FRMPD3: variants seen among roughly 807,000 people sequenced by gnomAD.
FRMPD3 encodes FERM and PDZ domain-containing protein 3.
A neutral mutation model predicts 97.9 loss-of-function variants in FRMPD3; 42 were observed. That is an observed-to-expected ratio of 0.43 (90% CI 0.34 to 0.55). FRMPD3 has a LOEUF of 0.55. Ranked by LOEUF, FRMPD3 falls within the 20% of genes least tolerant of loss-of-function variation. The pLI is 0.03. For missense variants in FRMPD3, 1,303 were observed against 1,457.7 expected, an observed-to-expected ratio of 0.89 and a Z score of 1.73; for synonymous variants, 577 against 581.1, an observed-to-expected ratio of 0.99 and a Z score of 0.10.
At chrX:107,548,443 G>T (rs1019611923) in intron 5 of FRMPD3, among the ~76,000 whole-genome samples, 4 of 112,134 alleles carry the variant, frequency 3.6e-5, no homozygotes, top group African/African-American at 6.5e-5. Flanking sequence ...CCAGGGAAAT[G>T]GTTGGGATGA....
At chrX:107,498,161 A>G (rs183587238) in intron 1 of FRMPD3, among the ~76,000 whole-genome samples, 267 of 112,760 alleles carry the variant, frequency 2.4e-3, no homozygotes, top group Non-Finnish European at 4.4e-3. Context: ...CGGCTTTTCA[A>G]AAAGATGCAC....
chrX:107,538,684 A>G (rs1921132246), intron 4 of FRMPD3, among the ~76,000 whole-genome samples: 3 of 110,952 alleles, frequency 2.7e-5, no homozygotes, highest in African/African-American at 9.9e-5. Context: ...TTATATATAT[A>G]GAGTCTCACT....
chrX:107,466,164 A>T (rs1171560714), intron 1 of FRMPD3, among the ~76,000 whole-genome samples: 1 of 112,623 alleles, frequency 8.9e-6, no homozygotes, highest in Non-Finnish European at 1.9e-5. Context: ...TGCACAAATG[A>T]CTCAATGCAC....
chrX:107,558,022 A>C (rs747610750), intron 8 of FRMPD3, among the ~76,000 whole-genome samples: 13 of 106,271 alleles, frequency 1.2e-4, no homozygotes, highest in Non-Finnish European at 2.1e-4. Flanking sequence ...TTTTCATGTG[A>C]ATTTTAGAAT....
At position 107,450,245 on chromosome X, in the gene FRMPD3, T is replaced by C. The variant is rs977778564; in HGVS notation, c.-8+240T>C. On this transcript the variant is annotated intron_variant, in intron 1 of 14. Coordinates refer to ENST00000683843, the MANE Select transcript of FRMPD3 (RefSeq NM_001388459.1). The stretch of plus-strand genomic sequence containing the variant: ...GAGTCTCTGGCTTGGCGGGCTCGTT[T>C]GGCCTCCGCGGGTGCGGGGTGAGGA... 9.8e-4 allele frequency among the ~76,000 whole-genome samples: 109 copies of C among 111,176 alleles called. 2 individuals are homozygous for C. Among genetic ancestry groups the C allele is most frequent in the Admixed American group, 1.8e-3 (19 of 10,717 alleles).
At chrX:107,553,393 A>G (rs1401679174) in intron 7 of FRMPD3, among the ~76,000 whole-genome samples, 8 of 107,352 alleles carry the variant, frequency 7.5e-5, no homozygotes, top group Non-Finnish European at 1.2e-4. Context: ...AATAGGCGGC[A>G]TGTCACCCAC....
At chrX:107,584,800 T>C (rs1267310295) in intron 13 of FRMPD3, among the ~76,000 whole-genome samples, 2 of 111,976 alleles carry the variant, frequency 1.8e-5, no homozygotes, top group Non-Finnish European at 3.8e-5. Context: ...TCCACTTGTC[T>C]ATATGTCTGT....
intron 3 of FRMPD3, among the ~76,000 whole-genome samples, chrX:107,531,938 TATTC>T (rs1418297860): frequency 8.9e-6 from 1 of 111,801 alleles, no homozygotes; most frequent in Non-Finnish European, 1.9e-5. Flanking sequence ...GCCAGTGGAT[TATTC>T]ATTCATTCAT....
chrX:107,450,945 C>G (rs1931276995), intron 1 of FRMPD3, among the ~76,000 whole-genome samples: 1 of 108,735 alleles, frequency 9.2e-6, no homozygotes, highest in African/African-American at 3.4e-5. Context: ...GAACCCCATT[C>G]TGGCAAAAAG....
chrX:107,600,990 A>C lies in FRMPD3; in HGVS notation c.2951A>C (p.Glu984Ala), dbSNP rs370622567. ...TTGGGGAACCCCCCCAGCAGGGGTG[A>C]GAGAAGGCTGGAGGCCAGCATGGGG... ...GALGNPPSRG[E>A]RRLEASMGRP... Residue 984 changes from glutamate to alanine, a missense_variant, in exon 15 of 15, where the codon GAG (glutamate) becomes GCG (alanine). Coordinates refer to ENST00000683843, the MANE Select transcript of FRMPD3 (RefSeq NM_001388459.1). 1.7e-5 allele frequency: 21 copies of C among 1,205,949 alleles called. No individual in the cohort carries two copies. The African/African-American group carries it at 3.0e-4, about 17-fold the overall frequency.
At chrX:107,533,438 G>A (rs1923067057) in intron 3 of FRMPD3, 67 bp from the exon 4 acceptor site, 2 of 989,678 alleles carry the variant, frequency 2.0e-6, no homozygotes, top group Admixed American at 2.3e-5. Context: ...TTCTGGTGTT[G>A]CTTCTTGTAC....
chrX:107,579,541 A>C (rs1457460023), intron 13 of FRMPD3, among the ~76,000 whole-genome samples: 5 of 112,242 alleles, frequency 4.5e-5, no homozygotes, highest in Non-Finnish European at 7.5e-5. Flanking sequence ...GAGGGGAAAT[A>C]CTGACAGATG....
At chrX:107,489,039 T>C (rs1423072777) in intron 1 of FRMPD3, among the ~76,000 whole-genome samples, 1 of 90,112 alleles carries the variant, frequency 1.1e-5, no homozygotes, top group East Asian at 3.7e-4. Flanking sequence ...CCTGTGTCCA[T>C]GTGTTCTCGT....
chrX:107,506,500 C>T (rs937021130), intron 1 of FRMPD3, among the ~76,000 whole-genome samples: 3 of 112,817 alleles, frequency 2.7e-5, no homozygotes, highest in African/African-American at 9.7e-5. Flanking sequence ...TCCTCTGAGC[C>T]TCAATTTTAT....
At chrX:107,506,051 C>T (rs1343229180) in intron 1 of FRMPD3, among the ~76,000 whole-genome samples, 1 of 112,385 alleles carries the variant, frequency 8.9e-6, no homozygotes, top group East Asian at 2.8e-4. Context: ...CCGTCACCCC[C>T]TAGACACTTC....
chrX:107,560,462 G>A, intron 9 of FRMPD3, 69 bp downstream of exon 9: 1 of 1,136,468 alleles, frequency 8.8e-7, no homozygotes, highest in South Asian at 2.0e-5. Context: ...CACTGGTTGA[G>A]CTATGCTATG....
chrX:107,470,613 T>C (rs1921032101), intron 1 of FRMPD3, among the ~76,000 whole-genome samples: 1 of 112,360 alleles, frequency 8.9e-6, no homozygotes, highest in Non-Finnish European at 1.9e-5. Context: ...CATATTCTAT[T>C]CATTAGAAGT....
chrX:107,555,851 T>A (rs140409134), intron 8 of FRMPD3, among the ~76,000 whole-genome samples: 5,089 of 111,405 alleles, frequency 0.046, 145 homozygotes, highest in Non-Finnish European at 0.076. Flanking sequence ...GTACACCAGC[T>A]AGGGAGCAAT....
intron 8 of FRMPD3, among the ~76,000 whole-genome samples, chrX:107,555,914 A>C (rs1489384180): frequency 9.0e-6 from 1 of 111,695 alleles, no homozygotes. Context: ...ATGATGAAGG[A>C]GGTGGGATGG....
Sources: gnomAD v4.1 joint callset for allele counts (sites outside exome capture counted in the v4.1 genomes callset) on GRCh38, gnomAD v4.1.1 for gene constraint, MANE v1.5 for transcripts, NCBI Gene and HGNC (gene_info 2026-07-23, HGNC 2026-07-21) for gene names.